The following CAMK2A variants were observed in gnomAD, a reference collection of about 807,000 sequenced individuals.
CAMK2A encodes calcium/calmodulin-dependent protein kinase type II subunit alpha.
In CAMK2A, 7 loss-of-function variants were observed where a neutral mutation model predicts 79.2. The ratio of observed to expected loss-of-function variants is 0.09; its 90% CI spans 0.05 to 0.17. The LOEUF (loss-of-function observed/expected upper bound fraction) is 0.17. CAMK2A is among the 10% of genes least tolerant of loss of function. The pLI is 1.00. For synonymous variants in CAMK2A, 242 were observed against 251.7 expected, an observed-to-expected ratio of 0.96 and a Z score of 0.36; for missense variants, 214 against 646.4, an observed-to-expected ratio of 0.33 and a Z score of 7.25.
intron 13 of CAMK2A, 94 bp downstream of exon 13, chr5:150,245,067 C>A: frequency 7.8e-7 from 1 of 1,285,948 alleles, no homozygotes; most frequent in South Asian, 1.3e-5. Context: ...ACACCATCAG[C>A]AAGGCCCGGG....
In CAMK2A at chr5:150,223,263, T is replaced by A. The variant is rs758925448; in HGVS notation, c.1238-46A>T. The A allele has an allele frequency of 6.8e-7, 1 of 1,466,886 alleles. No homozygotes were observed. Among genetic ancestry groups the A allele is most frequent in the Admixed American group, 1.8e-5 (1 of 57,008 alleles). 90.9% of individuals were successfully genotyped at this position (1,466,886 alleles called of 1,614,324 possible). On this transcript the variant is annotated intron_variant, in intron 17 of 18. Transcript: ENST00000671881. This position sits in a 1 kb window ranked among gnomAD's most constrained non-coding sequence, Gnocchi z 4.1. Reference sequence around the variant, plus strand: ...GGCAGAGGAGATGCAACCGGGGGCCTCCTGTCTCACTTTCTTCACTTTCTC... The same window carrying A: ...GGCAGAGGAGATGCAACCGGGGGCCACCTGTCTCACTTTCTTCACTTTCTC...
Position 150,289,672 on chromosome 5 carries a change from C to G in CAMK2A, c.-47G>C. The G allele has an allele frequency of 6.7e-7, 1 of 1,499,660 alleles. No individual in the cohort carries two copies. Among genetic ancestry groups the G allele is most frequent in the Non-Finnish European group, 9.3e-7 (1 of 1,079,082 alleles). 92.9% of individuals were successfully genotyped at this position (1,499,660 alleles called of 1,614,324 possible). ...GAGGCTTGGGACTGGGGGACCAGGACTGAGGCGCTGCTGCTCTGCTCCCGA... is the reference window on the plus strand; with the variant it reads ...GAGGCTTGGGACTGGGGGACCAGGAGTGAGGCGCTGCTGCTCTGCTCCCGA... On this transcript the variant is annotated 5_prime_UTR_variant, in exon 1 of 19. Transcript: ENST00000671881.
Position 150,250,682 on chromosome 5 carries a change from G to T in CAMK2A, c.816+6C>A, listed in dbSNP as rs1755793145. On this transcript the variant is annotated splice_donor_region_variant and intron_variant, in intron 10 of 18. Transcript: ENST00000671881. ...CCTGGGAGAAGTCCTGCTGAGGAAG[G>T]CTCACCGAGATCCAGGGGTGCTTAA... 3 of 1,614,044 alleles carry T rather than the reference G, an allele frequency of 1.9e-6. No homozygotes were observed. The highest frequency in any genetic ancestry group is 2.5e-6 in the Non-Finnish European group (3 of 1,179,932).
chr5:150,228,322 G>A (rs372610352), intron 16 of CAMK2A, 36 bp from the exon 17 acceptor site: 3 of 1,520,866 alleles, frequency 2.0e-6, no homozygotes, highest in South Asian at 1.1e-5. Flanking sequence ...AGGGACTGGG[G>A]CGGCTTCTCA....
rs549300057 is a variant in CAMK2A at position 150,249,341 on chromosome 5, A to G, written c.900+885T>C. ...GCCACTGAGCTTCCTCAGGGCCACA[A>G]TCACTGTCTGAGTGCCTCAGCCATT... On this transcript the variant is annotated intron_variant, in intron 11 of 18. Coordinates refer to ENST00000671881, the MANE Select transcript of CAMK2A (RefSeq NM_015981.4). Among the ~76,000 whole-genome samples the G allele has an allele frequency of 1.3e-4, 20 of 152,332 alleles. No individual in the cohort carries two copies. In the South Asian group the frequency reaches 2.9e-3, roughly 22 times the overall value.
intron 14 of CAMK2A, among the ~76,000 whole-genome samples, chr5:150,238,982 C>T (rs1755217492): frequency 1.3e-5 from 2 of 152,242 alleles, no homozygotes; most frequent in African/African-American, 2.4e-5. Flanking sequence ...AGAACCCTGG[C>T]CTTTCTGGAA....
chr5:150,285,948 C>T (rs940792643), intron 1 of CAMK2A, among the ~76,000 whole-genome samples: 27 of 152,080 alleles, frequency 1.8e-4, no homozygotes, highest in African/African-American at 6.0e-4. Context: ...GAACGTGACC[C>T]CTTCCCTGGG....
intron 1 of CAMK2A, among the ~76,000 whole-genome samples, chr5:150,276,932 T>C (rs549904728): frequency 3.0e-4 from 46 of 151,364 alleles, no homozygotes; most frequent in African/African-American, 1.0e-3. Context: ...GGAGGATCTT[T>C]AAAAAAAAAG....
intron 1 of CAMK2A, among the ~76,000 whole-genome samples, chr5:150,289,183 C>G (rs1303303491): frequency 6.6e-6 from 1 of 152,228 alleles, no homozygotes; most frequent in Non-Finnish European, 1.5e-5. Context: ...TCAAGCAAAA[C>G]TAGAGAAGGA....
In CAMK2A at chr5:150,220,956, G is replaced by A. The variant is rs34266615; in HGVS notation, c.*1754C>T. ...GCTCCAACCAACACCCAGGAGGGTCGAGGGTACCGGAGCCTCCTCCAATCC... is the reference window on the plus strand; with the variant it reads ...GCTCCAACCAACACCCAGGAGGGTCAAGGGTACCGGAGCCTCCTCCAATCC... On this transcript the variant is annotated 3_prime_UTR_variant, in exon 19 of 19. Transcript: ENST00000671881. The A allele has an allele frequency of 0.44, 67,346 of 152,360 alleles. 17,541 individuals carry two copies. The highest frequency in any genetic ancestry group is 0.57 in the East Asian group (3,031 of 5,290). The allele number at this position is 152,360 out of a possible 1,614,324, so 9.4% of individuals were successfully genotyped here. A position where few individuals can be genotyped will look rare whatever the true frequency, so the allele number is the denominator to read the frequency against.
In CAMK2A at chr5:150,256,963, G is replaced by T; in HGVS notation, c.273-132C>A. ...CAGCCACAAAAGGAGGGGCCCCAGGGTCACGGGGGTGTCCCCTGCTGCAAT... is the reference window on the plus strand; with the variant it reads ...CAGCCACAAAAGGAGGGGCCCCAGGTTCACGGGGGTGTCCCCTGCTGCAAT... On this transcript the variant is annotated intron_variant, in intron 4 of 18. Transcript: ENST00000671881. This position sits in a 1 kb window ranked among gnomAD's most constrained non-coding sequence, Gnocchi z 4.6. The T allele has an allele frequency of 1.5e-6, 1 of 663,416 alleles. No homozygotes were observed. The highest frequency in any genetic ancestry group is 2.6e-6 in the Non-Finnish European group (1 of 388,580). 41.1% of individuals were successfully genotyped at this position (663,416 alleles called of 1,614,324 possible).
chr5:150,265,058 C>T (rs756184266), intron 2 of CAMK2A, 43 bp from the exon 3 acceptor site: 1 of 1,378,474 alleles, frequency 7.3e-7, no homozygotes, highest in East Asian at 2.3e-5. Context: ...GAGGAAGGAA[C>T]CATTACCCTC....
Position 150,252,142 on chromosome 5 carries a change from G to A in CAMK2A, c.515-77C>T, listed in dbSNP as rs940627647. The A allele has an allele frequency of 1.4e-5, 16 of 1,111,382 alleles. No homozygotes were observed. The African/African-American group carries it at 2.2e-4, about 15-fold the overall frequency. The allele number at this position is 1,111,382 out of a possible 1,614,324, so 68.8% of individuals were successfully genotyped here. A position where few individuals can be genotyped will look rare whatever the true frequency, so the allele number is the denominator to read the frequency against. Reference sequence around the variant, plus strand: ...AGTAACCTGGAGCAAGATCCTGCTGGAAGAGGGGATGAGGATTGCTCTGGA... The same window carrying A: ...AGTAACCTGGAGCAAGATCCTGCTGAAAGAGGGGATGAGGATTGCTCTGGA... On this transcript the variant is annotated intron_variant, in intron 7 of 18. Coordinates refer to ENST00000671881, the MANE Select transcript of CAMK2A (RefSeq NM_015981.4).
chr5:150,229,195 G>A (rs1452684176), intron 16 of CAMK2A, among the ~76,000 whole-genome samples: 2 of 152,230 alleles, frequency 1.3e-5, no homozygotes, highest in East Asian at 3.9e-4. Context: ...TTCACAGGGT[G>A]CACTGTCCCT....
chr5:150,223,063 A>T lies in CAMK2A; in HGVS notation c.1392T>A (p.Arg464=). 1 of 1,614,210 alleles carries T rather than the reference A, an allele frequency of 6.2e-7. No homozygotes were observed. Among genetic ancestry groups the T allele is most frequent in the East Asian group, 2.2e-5 (1 of 44,888 alleles). The change falls in exon 18 of 19, where the codon CGT becomes CGA. Residue 464 remains arginine, a synonymous_variant. Coordinates refer to ENST00000671881, the MANE Select transcript of CAMK2A (RefSeq NM_015981.4). This position sits in a 1 kb window ranked among gnomAD's most constrained non-coding sequence, Gnocchi z 4.1. ...IPRTAQSEET[R]VWHRRDGKWQ... is the part of the protein sequence containing the mutation. ...ATTTGCCATCCCGGCGGTGCCAGAC[A>T]CGGGTCTCCTCCGACTGGGCGGTGC...
intron 1 of CAMK2A, among the ~76,000 whole-genome samples, chr5:150,285,382 A>C (rs1303226651): frequency 1.3e-5 from 2 of 152,172 alleles, no homozygotes; most frequent in African/African-American, 4.8e-5. Flanking sequence ...GAAGAAAAGC[A>C]CGGCCCCCAG....
chr5:150,266,823 A>T (rs910360399), intron 2 of CAMK2A, among the ~76,000 whole-genome samples: 1 of 152,000 alleles, frequency 6.6e-6, no homozygotes, highest in African/African-American at 2.4e-5. Flanking sequence ...CAACACTAGA[A>T]CCCTGGCCCT....
chr5:150,288,207 G>A (rs530349410), intron 1 of CAMK2A, among the ~76,000 whole-genome samples: 4 of 152,106 alleles, frequency 2.6e-5, no homozygotes, highest in South Asian at 2.1e-4. Flanking sequence ...CATTGTGTCC[G>A]CATCTCATAT....
chr5:150,264,656 A>T (rs1256154395), intron 3 of CAMK2A, among the ~76,000 whole-genome samples: 1 of 152,172 alleles, frequency 6.6e-6, no homozygotes, highest in Non-Finnish European at 1.5e-5. Flanking sequence ...AAGGCCAAGC[A>T]TGTCCCCCTG....
Sources: allele counts gnomAD v4.1 joint callset (sites outside exome capture counted in the v4.1 genomes callset), GRCh38; gene constraint gnomAD v4.1.1; non-coding constraint Gnocchi (gnomAD v3.1); transcripts MANE v1.5; gene names NCBI Gene and HGNC (gene_info 2026-07-23, HGNC 2026-07-21).